Variants in PTPRD observed in about 807,000 individuals in gnomAD.
The protein encoded by PTPRD is protein tyrosine phosphatase receptor type D.
PTPRD carries 34 observed loss-of-function variants against 214.5 expected under a neutral mutation model. The ratio of observed to expected loss-of-function variants is 0.16; its 90% CI spans 0.12 to 0.21. The LOEUF is 0.21. Ranked by LOEUF, PTPRD falls within the 10% of genes least tolerant of loss-of-function variation. The pLI is 1.00. For synonymous variants in PTPRD, 1,128 were observed against 845.7 expected (o/e 1.33, Z -5.79); for missense variants, 2,545 against 2,398.7 (o/e 1.06, Z -1.27).
chr9:9,732,030 CA>C (rs571448241), intron 7 of PTPRD, among the ~76,000 whole-genome samples: 279 of 152,098 alleles, frequency 1.8e-3, no homozygotes, highest in Non-Finnish European at 2.5e-3. Context: ...AGTTCAAGGA[CA>C]GGGGGAATCA....
chr9:8,703,658 C>A (rs1463543638), intron 12 of PTPRD, among the ~76,000 whole-genome samples: 1 of 152,094 alleles, frequency 6.6e-6, no homozygotes, highest in Non-Finnish European at 1.5e-5. Flanking sequence ...ACTGGGGAAC[C>A]CAAAGCTTGG....
intron 12 of PTPRD, among the ~76,000 whole-genome samples, chr9:8,715,505 C>T (rs1597784756): frequency 6.6e-6 from 1 of 152,284 alleles, no homozygotes; most frequent in African/African-American, 2.4e-5. Context: ...GGTTAACAAA[C>T]TTGACCAAGA....
chr9:8,668,556 A>G (rs1218686190), intron 12 of PTPRD, among the ~76,000 whole-genome samples: 1 of 152,230 alleles, frequency 6.6e-6, no homozygotes, highest in Non-Finnish European at 1.5e-5. Flanking sequence ...CTGTAATACT[A>G]AGAGACTGCA....
intron 2 of PTPRD, among the ~76,000 whole-genome samples, chr9:10,579,364 G>A (rs569668000): frequency 6.6e-6 from 1 of 152,268 alleles, no homozygotes; most frequent in Non-Finnish European, 1.5e-5. Flanking sequence ...AGAACGTGAA[G>A]TATTTGGTTT....
At chr9:10,036,939 AGTGG>A (rs1157163909) in intron 3 of PTPRD, among the ~76,000 whole-genome samples, 2 of 151,780 alleles carry the variant, frequency 1.3e-5, no homozygotes, top group African/African-American at 4.8e-5. Flanking sequence ...AGGTGAGTGC[AGTGG>A]CATGATCATG....
At chr9:9,740,361 A>ATT (rs35876773) in intron 6 of PTPRD, among the ~76,000 whole-genome samples, 304 of 145,608 alleles carry the variant, frequency 2.1e-3, no homozygotes, top group African/African-American at 4.9e-3. Context: ...TAAAACTACT[A>ATT]TTTTTTTTTT....
chr9:9,565,131 G>C (rs1317462875), intron 8 of PTPRD, among the ~76,000 whole-genome samples: 3 of 151,530 alleles, frequency 2.0e-5, no homozygotes, highest in Non-Finnish European at 4.4e-5. Flanking sequence ...ACTAATATGT[G>C]TAAAAGGTTT....
At chr9:8,903,924 A>G (rs1476837955) in intron 11 of PTPRD, among the ~76,000 whole-genome samples, 1 of 152,226 alleles carries the variant, frequency 6.6e-6, no homozygotes, top group Non-Finnish European at 1.5e-5. Flanking sequence ...GGCTCAAGGC[A>G]GTGTCTCATA....
chr9:9,217,609 A>G (rs1197388666), intron 9 of PTPRD, among the ~76,000 whole-genome samples: 1 of 152,100 alleles, frequency 6.6e-6, no homozygotes, highest in Non-Finnish European at 1.5e-5. Context: ...ACTTGAGCAT[A>G]TTATTCCCTT....
intron 3 of PTPRD, among the ~76,000 whole-genome samples, chr9:10,162,689 GTA>G (rs1261364439): frequency 6.9e-6 from 1 of 144,586 alleles, no homozygotes; most frequent in Non-Finnish European, 1.5e-5. Context: ...GTATATATGT[GTA>G]TATATATACA....
At chr9:8,874,018 C>G (rs1441817718) in intron 11 of PTPRD, among the ~76,000 whole-genome samples, 5 of 152,224 alleles carry the variant, frequency 3.3e-5, no homozygotes, top group Admixed American at 2.6e-4. Flanking sequence ...AGGGGCAAAA[C>G]TACATCTAAA....
intron 39 of PTPRD, among the ~76,000 whole-genome samples, chr9:8,361,696 C>A (rs971044881): frequency 6.6e-6 from 1 of 152,154 alleles, no homozygotes; most frequent in African/African-American, 2.4e-5. Flanking sequence ...ATTTAACAAA[C>A]ACTGCCTGGA....
chr9:8,570,196 TA>T (rs143519880), intron 14 of PTPRD, among the ~76,000 whole-genome samples: 4,365 of 152,216 alleles, frequency 0.029, 85 homozygotes, highest in African/African-American at 0.056. Context: ...GGGAGATTTT[TA>T]TATGTAAATT....
At chr9:9,799,404 A>G (rs1163310638) in intron 5 of PTPRD, 1 of 152,202 alleles carries the variant, frequency 6.6e-6, no homozygotes, top group African/African-American at 2.4e-5. Context: ...TACTAAAGTT[A>G]TCCACAATGT....
chr9:8,912,050 C>T (rs1397692706), intron 11 of PTPRD, among the ~76,000 whole-genome samples: 1 of 152,152 alleles, frequency 6.6e-6, no homozygotes, highest in Non-Finnish European at 1.5e-5. Context: ...TCATACATTA[C>T]TAGTGGTAGT....
intron 2 of PTPRD, among the ~76,000 whole-genome samples, chr9:10,415,506 G>T (rs763948365): frequency 6.6e-6 from 1 of 151,824 alleles, no homozygotes; most frequent in East Asian, 1.9e-4. Context: ...GTAAGAGAAA[G>T]ATTTATTAAG....
chr9:9,097,857 T>C (rs2099785913), intron 10 of PTPRD, among the ~76,000 whole-genome samples: 1 of 152,188 alleles, frequency 6.6e-6, no homozygotes, highest in East Asian at 1.9e-4. Flanking sequence ...AGAGATGGTG[T>C]TTTCCTAAGG....
intron 5 of PTPRD, among the ~76,000 whole-genome samples, chr9:9,874,997 A>G (rs965870189): frequency 6.6e-6 from 1 of 152,174 alleles, no homozygotes; most frequent in African/African-American, 2.4e-5. Context: ...GAGCACAATC[A>G]CTTGTTTCCT....
At chr9:9,384,209 T>C (rs1366912075) in intron 9 of PTPRD, among the ~76,000 whole-genome samples, 1 of 151,832 alleles carries the variant, frequency 6.6e-6, no homozygotes, top group South Asian at 2.1e-4. Context: ...CTAGTAGGTA[T>C]AGAAGATGAT....
Sources: allele counts gnomAD v4.1 joint callset (sites outside exome capture counted in the v4.1 genomes callset), GRCh38; gene constraint gnomAD v4.1.1; transcripts MANE v1.5; gene names NCBI Gene and HGNC (gene_info 2026-07-23, HGNC 2026-07-21).